The following VSNL1 variants were observed in gnomAD, a reference collection of about 807,000 sequenced individuals.
VSNL1 encodes the protein visinin like 1, also known as visinin-like protein 1.
In VSNL1, 6 loss-of-function variants were observed where a neutral mutation model predicts 20.4. That is an observed-to-expected ratio of 0.29 (90% CI 0.16 to 0.58). The LOEUF (loss-of-function observed/expected upper bound fraction) is 0.58, where lower values mean the gene tolerates loss of function less well. Among genes scored for constraint, VSNL1 ranks in the 20% least tolerant of loss-of-function variants. The pLI is 0.90. For missense variants in VSNL1, 100 were observed against 234.5 expected (o/e 0.43, Z 3.75); for synonymous variants, 93 against 86.4 (o/e 1.08, Z -0.42).
intron 2 of VSNL1, among the ~76,000 whole-genome samples, chr2:17,616,488 G>A (rs1665219221): frequency 6.6e-6 from 1 of 152,206 alleles, no homozygotes; most frequent in South Asian, 2.1e-4. Context: ...CTACAAAGAA[G>A]AGGTAGAATA....
At chr2:17,591,981 G>A in intron 1 of VSNL1, 89 bp from the exon 2 acceptor site, 1 of 1,465,090 alleles carries the variant, frequency 6.8e-7, no homozygotes, top group Non-Finnish European at 9.4e-7. Context: ...TTCCGACCAT[G>A]GGACTGCTCA....
chr2:17,625,128 TTC>T (rs1248855076), intron 2 of VSNL1, among the ~76,000 whole-genome samples: 2 of 152,204 alleles, frequency 1.3e-5, no homozygotes, highest in Admixed American at 6.5e-5. Flanking sequence ...ATCTTCCTCA[TTC>T]TCTCTTTGCC....
rs1330077360 is a variant in VSNL1, at chr2:17,653,008, G to A, written c.379-2189G>A. On this transcript the variant is annotated intron_variant, in intron 3 of 3. Coordinates refer to ENST00000295156, the MANE Select transcript of VSNL1 (RefSeq NM_003385.5). ...CTCTTAGGAATTACAGTCTTGCACT[G>A]TCAGTTGTAAAGTCTGAAAACAGCT... 2.0e-5 allele frequency among the ~76,000 whole-genome samples: 3 copies of A among 152,174 alleles called. No individual in the cohort carries two copies. The South Asian group carries it at 6.2e-4, about 32-fold the overall frequency.
intron 1 of VSNL1, among the ~76,000 whole-genome samples, chr2:17,547,112 A>G (rs1287382464): frequency 6.6e-6 from 1 of 152,026 alleles, no homozygotes; most frequent in African/African-American, 2.4e-5. Flanking sequence ...AGAGAAAATT[A>G]TGAGAGGAAG....
chr2:17,591,920 A>G, intron 1 of VSNL1, 150 bp from the exon 2 acceptor site: 1 of 735,930 alleles, frequency 1.4e-6, no homozygotes, highest in Non-Finnish European at 2.2e-6. Context: ...TAGAATACCA[A>G]GTAGAAGGAG....
intron 2 of VSNL1, among the ~76,000 whole-genome samples, chr2:17,633,860 G>A (rs1665692544): frequency 6.6e-6 from 1 of 152,162 alleles, no homozygotes; most frequent in South Asian, 2.1e-4. Context: ...AAGACAAGGG[G>A]CTCAGAGAAG....
intron 2 of VSNL1, among the ~76,000 whole-genome samples, chr2:17,605,364 C>G (rs56369617): frequency 0.013 from 1,942 of 152,200 alleles, 21 homozygotes; most frequent in East Asian, 0.037. Flanking sequence ...TCCCCAGAAC[C>G]CCTACAAGGC....
At chr2:17,608,601 A>G (rs1328141955) in intron 2 of VSNL1, among the ~76,000 whole-genome samples, 1 of 152,170 alleles carries the variant, frequency 6.6e-6, no homozygotes, top group Non-Finnish European at 1.5e-5. Flanking sequence ...TTTCAGGATA[A>G]GGGAATGGTG....
chr2:17,573,131 G>A lies in VSNL1; in HGVS notation c.-5-18939G>A, dbSNP rs115941104. Among the ~76,000 whole-genome samples the A allele has an allele frequency of 3.2e-3, 480 of 152,156 alleles. 3 individuals carry two copies. Among genetic ancestry groups the A allele is most frequent in the African/African-American group, 0.011 (459 of 41,510 alleles). ...TTTGACTCATTTGTTCATTCATTTGGCCATTCGACAAGTGCGTACTATGCT... is the reference window on the plus strand; with the variant it reads ...TTTGACTCATTTGTTCATTCATTTGACCATTCGACAAGTGCGTACTATGCT... On this transcript the variant is annotated intron_variant, in intron 1 of 3. Coordinates refer to ENST00000295156, the MANE Select transcript of VSNL1 (RefSeq NM_003385.5).
At chr2:17,609,216 C>G (rs1665023378) in intron 2 of VSNL1, among the ~76,000 whole-genome samples, 1 of 152,108 alleles carries the variant, frequency 6.6e-6, no homozygotes, top group African/African-American at 2.4e-5. Context: ...GATTCATGAC[C>G]TTACCTGGCT....
rs1664605235 is a variant in VSNL1, at chr2:17,592,152, A to G, written c.78A>G (p.Glu26=). ...AGAGCACAGAGTTTAATGAGCATGA[A>G]CTCAAGCAGTGGTACAAAGGATTTC... The part of the protein sequence containing the change: ...LVKSTEFNEH[E]LKQWYKGFLK... The change falls in exon 2 of 4, where the codon GAA becomes GAG. Residue 26 remains glutamate, a synonymous_variant. Coordinates refer to ENST00000295156, the MANE Select transcript of VSNL1 (RefSeq NM_003385.5). 1 of 1,613,932 alleles carries G rather than the reference A, an allele frequency of 6.2e-7. No homozygotes were observed. The highest frequency in any genetic ancestry group is 8.5e-7 in the Non-Finnish European group (1 of 1,179,852).
intron 2 of VSNL1, among the ~76,000 whole-genome samples, chr2:17,642,905 G>A (rs1372840249): frequency 6.6e-6 from 1 of 152,148 alleles, no homozygotes; most frequent in Non-Finnish European, 1.5e-5. Context: ...AGACTGTAAT[G>A]TTGAAGAAGC....
chr2:17,551,657 G>C (rs1663539149), intron 1 of VSNL1, among the ~76,000 whole-genome samples: 1 of 152,150 alleles, frequency 6.6e-6, no homozygotes, highest in African/African-American at 2.4e-5. Context: ...AGGGGAAAGT[G>C]ATCTAGATCC....
chr2:17,631,045 G>T (rs1221165417), intron 2 of VSNL1, among the ~76,000 whole-genome samples: 1 of 152,212 alleles, frequency 6.6e-6, no homozygotes, highest in Non-Finnish European at 1.5e-5. Context: ...CTCCCAAAGT[G>T]CTGGGATTAC....
At chr2:17,601,133 C>T (rs981194110) in intron 2 of VSNL1, among the ~76,000 whole-genome samples, 1 of 152,136 alleles carries the variant, frequency 6.6e-6, no homozygotes, top group Non-Finnish European at 1.5e-5. Context: ...GAAGGAATTG[C>T]TCTTAGATGG....
chr2:17,554,696 G>C (rs1305393553), intron 1 of VSNL1, among the ~76,000 whole-genome samples: 5 of 152,062 alleles, frequency 3.3e-5, no homozygotes, highest in Non-Finnish European at 5.9e-5. Context: ...GACTCAGTGA[G>C]GGTTGGGAAT....
intron 2 of VSNL1, among the ~76,000 whole-genome samples, chr2:17,613,401 C>T (rs547571071): frequency 8.5e-5 from 13 of 152,318 alleles, no homozygotes; most frequent in Admixed American, 5.9e-4. Context: ...ACCTACACCC[C>T]TGAGACCGTC....
chr2:17,568,573 C>T (rs62131532), intron 1 of VSNL1, among the ~76,000 whole-genome samples: 4,966 of 152,218 alleles, frequency 0.033, 87 homozygotes, highest in East Asian at 0.098. Flanking sequence ...AAACACAACC[C>T]CCATCATTCA....
At chr2:17,633,540 AAAGT>A (rs1472185872) in intron 2 of VSNL1, among the ~76,000 whole-genome samples, 4 of 152,014 alleles carry the variant, frequency 2.6e-5, no homozygotes, top group Non-Finnish European at 5.9e-5. Flanking sequence ...AAAAAAATTA[AAAGT>A]AAGAGCCGAA....
Sources: gnomAD v4.1 joint callset for allele counts (sites outside exome capture counted in the v4.1 genomes callset) on GRCh38, gnomAD v4.1.1 for gene constraint, MANE v1.5 for transcripts, NCBI Gene and HGNC (gene_info 2026-07-23, HGNC 2026-07-21) for gene names.